The following EGFR variants were observed in gnomAD, a reference collection of about 807,000 sequenced individuals.
EGFR encodes avian erythroblastic leukemia viral (v-erb-b) oncogene homolog.
In EGFR, 58 loss-of-function variants were observed where a neutral mutation model predicts 143.0. The ratio of observed to expected loss-of-function variants is 0.41; its 90% CI spans 0.33 to 0.50. The LOEUF (loss-of-function observed/expected upper bound fraction) is 0.50. Ranked by LOEUF, EGFR falls within the 20% of genes least tolerant of loss-of-function variation. The pLI, the probability that EGFR is intolerant of heterozygous loss-of-function variation, is 0.39. For missense variants in EGFR, 1,307 were observed against 1,579.0 expected (o/e 0.83, Z 2.92); for synonymous variants, 613 against 594.4 (o/e 1.03, Z -0.45).
intron 5 of EGFR, 59 bp downstream of exon 5, chr7:55,151,421 T>C: frequency 6.4e-7 from 1 of 1,560,942 alleles, no homozygotes; most frequent in Non-Finnish European, 8.8e-7. Context: ...CTTCACTTGC[T>C]TAGGTGATTG....
chr7:55,203,473 A>C, intron 27 of EGFR, among the ~76,000 whole-genome samples: 1 of 147,322 alleles, frequency 6.8e-6, no homozygotes, highest in Admixed American at 6.8e-5. Flanking sequence ...ATACACACAC[A>C]CCACACATAC....
rs146533438 is a variant in EGFR at position 55,035,279 on chromosome 7, T to G, written c.88+15914T>G. Reference sequence around the variant, plus strand: ...ATTCACTTTCAAAACACATTTTATTTATTTGGACTTAATATTTTGATCTTA... The same window carrying G: ...ATTCACTTTCAAAACACATTTTATTGATTTGGACTTAATATTTTGATCTTA... On this transcript the variant is annotated intron_variant, in intron 1 of 27. Transcript: ENST00000275493. Among the ~76,000 whole-genome samples the G allele has an allele frequency of 3.1e-3, 469 of 152,276 alleles. 6 individuals carry two copies. Among genetic ancestry groups the G allele is most frequent in the Non-Finnish European group, 3.5e-3 (240 of 68,008 alleles).
chr7:55,133,453 G>A (rs1218152939), intron 1 of EGFR, among the ~76,000 whole-genome samples: 1 of 152,178 alleles, frequency 6.6e-6, no homozygotes, highest in East Asian at 1.9e-4. Context: ...GTAGCACAGG[G>A]CAGTCTTGAC....
chr7:55,185,467 A>T (rs1787090453), intron 20 of EGFR, among the ~76,000 whole-genome samples: 1 of 152,174 alleles, frequency 6.6e-6, no homozygotes, highest in East Asian at 1.9e-4. Context: ...TCATCCAAAG[A>T]TCCCGTCATC....
intron 18 of EGFR, 136 bp downstream of exon 18, chr7:55,174,179 C>A (rs2128954057): frequency 7.8e-7 from 1 of 1,289,552 alleles, no homozygotes; most frequent in Non-Finnish European, 1.1e-6. Flanking sequence ...TGGGAAACTC[C>A]AGTGTTTTTC....
At chr7:55,117,234 A>G (rs369851381) in intron 1 of EGFR, among the ~76,000 whole-genome samples, 25 of 152,348 alleles carry the variant, frequency 1.6e-4, no homozygotes, top group African/African-American at 6.0e-4. Flanking sequence ...TTTTATTCAA[A>G]TAGTTTATAA....
chr7:55,150,958 C>T (rs1458149421), intron 4 of EGFR, among the ~76,000 whole-genome samples: 1 of 152,224 alleles, frequency 6.6e-6, no homozygotes, highest in African/African-American at 2.4e-5. Flanking sequence ...GACACTCTAG[C>T]TGTGGCAGGA....
At chr7:55,070,129 T>C (rs1028508595) in intron 1 of EGFR, among the ~76,000 whole-genome samples, 1 of 152,250 alleles carries the variant, frequency 6.6e-6, no homozygotes, top group Non-Finnish European at 1.5e-5. Context: ...TGCTATATGC[T>C]GTATCCCACC....
intron 1 of EGFR, among the ~76,000 whole-genome samples, chr7:55,068,409 C>T (rs750346152): frequency 4.4e-4 from 67 of 152,248 alleles, no homozygotes; most frequent in Non-Finnish European, 6.6e-4. Context: ...TTTACTTGGA[C>T]GTAGAGTTTT....
In EGFR at chr7:55,201,727, T is replaced by C. The variant is rs2128972457; in HGVS notation, c.3115-8T>C. On this transcript the variant is annotated splice_region_variant and splice_polypyrimidine_tract_variant and intron_variant, in intron 25 of 27. Transcript: ENST00000275493. ...ATTCCATGGGCAACTTCTCTGTTTC[T>C]TTTTCAGAGTGCAACCAGCAACAAT... is the stretch of plus-strand genomic sequence containing the variant. The C allele has an allele frequency of 6.2e-7, 1 of 1,614,212 alleles. No individual in the cohort carries two copies. The highest frequency in any genetic ancestry group is 8.5e-7 in the Non-Finnish European group (1 of 1,180,022).
At chr7:55,151,158 G>A (rs1785129463) in intron 4 of EGFR, 136 bp from the exon 5 acceptor site, 2 of 885,690 alleles carry the variant, frequency 2.3e-6, no homozygotes, top group Non-Finnish European at 3.7e-6. Flanking sequence ...CTACAAACCA[G>A]CCAGCCAAAC....
At chr7:55,118,295 T>A (rs1247866891) in intron 1 of EGFR, among the ~76,000 whole-genome samples, 1 of 152,180 alleles carries the variant, frequency 6.6e-6, no homozygotes, top group East Asian at 1.9e-4. Flanking sequence ...ATGCAGATGG[T>A]CAGGCCCTCC....
At chr7:55,096,929 A>G (rs1791508221) in intron 1 of EGFR, among the ~76,000 whole-genome samples, 1 of 152,238 alleles carries the variant, frequency 6.6e-6, no homozygotes, top group Non-Finnish European at 1.5e-5. Flanking sequence ...CAGCTACAGT[A>G]GTGGAATGAA....
In EGFR at chr7:55,207,790, G is replaced by A. The variant is rs1388450699; in HGVS notation, c.*2173G>A. 25 of 152,276 alleles carry A rather than the reference G, an allele frequency of 1.6e-4. No individual in the cohort carries two copies. Among genetic ancestry groups the A allele is most frequent in the Admixed American group, 1.6e-3 (25 of 15,288 alleles). The allele number at this position is 152,276 out of a possible 1,614,324, so 9.4% of individuals were successfully genotyped here. On this transcript the variant is annotated 3_prime_UTR_variant, in exon 28 of 28. Transcript: ENST00000275493. ...CCCTAAAAGTTGCAGCCCCCAGGGG[G>A]ATTTTGAGCTATCATCTCTGCACAT...
intron 1 of EGFR, chr7:55,109,733 T>C (rs1792351306): frequency 1.0e-6 from 1 of 985,320 alleles, no homozygotes; most frequent in South Asian, 4.7e-5. Flanking sequence ...ATCATTCCTT[T>C]GGGCCTAGGA....
At chr7:55,068,318 A>G (rs1289914584) in intron 1 of EGFR, among the ~76,000 whole-genome samples, 1 of 152,178 alleles carries the variant, frequency 6.6e-6, no homozygotes, top group East Asian at 1.9e-4. Context: ...TTTTCTGAAA[A>G]TAGAGAATAC....
rs2128929583 is a variant in EGFR, at chr7:55,146,705, A to G, written c.524A>G (p.Asn175Ser). 1 of 1,614,190 alleles carries G rather than the reference A, an allele frequency of 6.2e-7. No homozygotes were observed. Among genetic ancestry groups the G allele is most frequent in the Non-Finnish European group, 8.5e-7 (1 of 1,180,030 alleles). ...ATAGTCAGCAGTGACTTTCTCAGCAACATGTCGATGGACTTCCAGAACCAC... is the reference window on the plus strand; with the variant it reads ...ATAGTCAGCAGTGACTTTCTCAGCAGCATGTCGATGGACTTCCAGAACCAC... Reference protein sequence around the residue: ...RDIVSSDFLSNMSMDFQNHLG... With the variant: ...RDIVSSDFLSSMSMDFQNHLG... Residue 175 changes from asparagine to serine, a missense_variant, in exon 4 of 28, where the codon AAC becomes AGC. Coordinates refer to ENST00000275493, the MANE Select transcript of EGFR (RefSeq NM_005228.5).
intron 27 of EGFR, chr7:55,202,903 T>G (rs888804199): frequency 9.3e-6 from 6 of 644,530 alleles, no homozygotes; most frequent in Middle Eastern, 3.3e-4. Context: ...CATACACATC[T>G]GTGTGTGTGA....
intron 1 of EGFR, among the ~76,000 whole-genome samples, chr7:55,117,607 TAA>T (rs1554334857): frequency 6.6e-6 from 1 of 152,160 alleles, no homozygotes; most frequent in Non-Finnish European, 1.5e-5. Context: ...ATCTCTGTTA[TAA>T]AAAATAATCC....
Sources: allele counts gnomAD v4.1 joint callset (sites outside exome capture counted in the v4.1 genomes callset), GRCh38; gene constraint gnomAD v4.1.1; transcripts MANE v1.5; gene names NCBI Gene and HGNC (gene_info 2026-07-23, HGNC 2026-07-21).